Variants in PTPRM observed in about 807,000 individuals in gnomAD.
The protein encoded by PTPRM is receptor-type tyrosine-protein phosphatase mu.
Under a neutral mutation model 186.7 loss-of-function variants are expected in PTPRM, and 47 were observed. The observed-to-expected ratio is 0.25, with a 90% CI of 0.20 to 0.32. PTPRM has a LOEUF of 0.32. Ranked by LOEUF, PTPRM falls within the 10% of genes least tolerant of loss-of-function variation. The pLI, the probability that PTPRM is intolerant of heterozygous loss-of-function variation, is 1.00. For synonymous variants in PTPRM, 668 were observed against 674.9 expected (o/e 0.99, Z 0.16); for missense variants, 1,494 against 1,865.0 (o/e 0.80, Z 3.66).
intron 24 of PTPRM, among the ~76,000 whole-genome samples, chr18:8,372,798 G>A (rs1055658208): frequency 2.6e-4 from 39 of 150,714 alleles, no homozygotes; most frequent in Admixed American, 2.2e-3. Flanking sequence ...TTAAAACAGC[G>A]ATAAAAGACC....
At chr18:8,142,897 A>G (rs118123359) in intron 13 of PTPRM, among the ~76,000 whole-genome samples, 1 of 152,332 alleles carries the variant, frequency 6.6e-6, no homozygotes, top group East Asian at 1.9e-4. Flanking sequence ...TTGACATTCC[A>G]TTACATTGTA....
intron 5 of PTPRM, among the ~76,000 whole-genome samples, chr18:7,946,158 A>T (rs2052510757): frequency 6.6e-6 from 1 of 152,214 alleles, no homozygotes; most frequent in Non-Finnish European, 1.5e-5. Flanking sequence ...ATATGCATAA[A>T]TCCAAAAAGG....
intron 7 of PTPRM, among the ~76,000 whole-genome samples, chr18:8,027,933 C>G (rs1308605331): frequency 6.6e-6 from 1 of 152,124 alleles, no homozygotes; most frequent in African/African-American, 2.4e-5. Flanking sequence ...TACCCCATCC[C>G]TTCACTGTTA....
At chr18:7,841,937 AT>A (rs11389625) in intron 2 of PTPRM, among the ~76,000 whole-genome samples, 1 of 150,954 alleles carries the variant, frequency 6.6e-6, no homozygotes, top group Admixed American at 6.6e-5. Context: ...TTATGTTATT[AT>A]TTTTTTTTCT....
intron 2 of PTPRM, among the ~76,000 whole-genome samples, chr18:7,884,284 C>T (rs967552162): frequency 2.6e-5 from 4 of 152,120 alleles, no homozygotes; most frequent in South Asian, 2.1e-4. Flanking sequence ...TGTATGCATT[C>T]GTGGTTAATT....
chr18:7,926,737 C>A, intron 5 of PTPRM, 54 bp downstream of exon 5: 2 of 1,363,396 alleles, frequency 1.5e-6, no homozygotes, highest in Middle Eastern at 1.9e-4. Flanking sequence ...AGAATACACT[C>A]CCCCTGGAGG....
chr18:8,307,839 A>G (rs549352149), intron 20 of PTPRM, among the ~76,000 whole-genome samples: 18 of 152,000 alleles, frequency 1.2e-4, no homozygotes, highest in East Asian at 1.9e-4. Flanking sequence ...AAAGAAAGCT[A>G]TAGAGTCACC....
chr18:7,676,602 T>G (rs2144531091), intron 1 of PTPRM, among the ~76,000 whole-genome samples: 1 of 151,716 alleles, frequency 6.6e-6, no homozygotes, highest in South Asian at 2.1e-4. Flanking sequence ...CCAGGGCAGG[T>G]TTTCTGTCAG....
intron 2 of PTPRM, among the ~76,000 whole-genome samples, chr18:7,874,221 G>A (rs1175336196): frequency 6.6e-6 from 1 of 152,204 alleles, no homozygotes; most frequent in Non-Finnish European, 1.5e-5. Flanking sequence ...TTTGTGGTCA[G>A]TTAAGTGAAA....
intron 11 of PTPRM, among the ~76,000 whole-genome samples, chr18:8,105,927 C>G (rs2091495999): frequency 6.6e-6 from 1 of 152,156 alleles, no homozygotes. Flanking sequence ...ATAGACTCGA[C>G]AGAGAGTAGT....
At chr18:7,798,611 C>T (rs75519207) in intron 2 of PTPRM, among the ~76,000 whole-genome samples, 196 of 151,990 alleles carry the variant, frequency 1.3e-3, no homozygotes, top group African/African-American at 4.7e-3. Context: ...ATTACCTCAA[C>T]ACCTCTCAAT....
At chr18:8,031,337 G>A (rs2085955725) in intron 7 of PTPRM, among the ~76,000 whole-genome samples, 1 of 152,166 alleles carries the variant, frequency 6.6e-6, no homozygotes, top group Non-Finnish European at 1.5e-5. Context: ...GTTGGCTAGT[G>A]GGTGGAAAAT....
chr18:8,384,804 G>A, intron 30 of PTPRM, 118 bp downstream of exon 30: 9 of 1,313,788 alleles, frequency 6.9e-6, no homozygotes, highest in Admixed American at 6.5e-5. Context: ...GTATGTCAGT[G>A]AACCAAAAAA....
intron 5 of PTPRM, among the ~76,000 whole-genome samples, chr18:7,948,575 G>A (rs538249940): frequency 3.9e-5 from 6 of 152,182 alleles, no homozygotes; most frequent in Non-Finnish European, 7.3e-5. Flanking sequence ...GATATGGGAT[G>A]TAGAGAGGAA....
intron 7 of PTPRM, among the ~76,000 whole-genome samples, chr18:7,995,296 C>G (rs958028126): frequency 9.9e-5 from 15 of 152,078 alleles, no homozygotes; most frequent in Admixed American, 3.9e-4. Context: ...AGCCTCCCAA[C>G]AAAGAAAAGC....
intron 4 of PTPRM, among the ~76,000 whole-genome samples, chr18:7,919,936 T>C (rs939016894): frequency 5.3e-5 from 8 of 152,130 alleles, no homozygotes; most frequent in Admixed American, 2.0e-4. Context: ...TATCATTATA[T>C]AATTACCATT....
intron 2 of PTPRM, among the ~76,000 whole-genome samples, chr18:7,882,698 C>T (rs2048570865): frequency 6.6e-6 from 1 of 152,198 alleles, no homozygotes; most frequent in Non-Finnish European, 1.5e-5. Flanking sequence ...ACTCTTTCTT[C>T]CTGCTGGATA....
At chr18:7,988,500 G>A (rs974295809) in intron 7 of PTPRM, among the ~76,000 whole-genome samples, 3 of 152,006 alleles carry the variant, frequency 2.0e-5, no homozygotes, top group African/African-American at 7.3e-5. Context: ...CTGTCACCAC[G>A]ATCTATATCC....
intron 22 of PTPRM, among the ~76,000 whole-genome samples, chr18:8,325,002 T>C (rs1281852612): frequency 1.3e-5 from 2 of 152,208 alleles, no homozygotes; most frequent in Non-Finnish European, 2.9e-5. Flanking sequence ...CAGAATCGCT[T>C]AATCATTAGG....
Sources: allele counts gnomAD v4.1 joint callset (sites outside exome capture counted in the v4.1 genomes callset), GRCh38; gene constraint gnomAD v4.1.1; transcripts MANE v1.5; gene names NCBI Gene and HGNC (gene_info 2026-07-23, HGNC 2026-07-21).